Variants in SYNE2 observed in about 807,000 individuals in gnomAD.
SYNE2 encodes spectrin repeat containing nuclear envelope protein 2.
SYNE2 carries 431 observed loss-of-function variants against 856.3 expected under a neutral mutation model. That is an observed-to-expected ratio of 0.50 (90% CI 0.47 to 0.55). The LOEUF (loss-of-function observed/expected upper bound fraction) is 0.55. SYNE2 is among the 20% of genes least tolerant of loss of function. SYNE2 has a pLI of 0.00. For missense variants in SYNE2, 8,129 were observed against 8,023.2 expected (o/e 1.01, Z -0.50); for synonymous variants, 2,923 against 2,872.3 (o/e 1.02, Z -0.56).
chr14:63,986,306 C>T, intron 18 of SYNE2, 150 bp from the exon 19 acceptor site: 1 of 791,462 alleles, frequency 1.3e-6, no homozygotes, highest in Non-Finnish European at 2.1e-6. Flanking sequence ...CGCTTTGTTG[C>T]CCAGACTGGT....
chr14:64,049,920 C>A, intron 47 of SYNE2, 44 bp downstream of exon 47: 1 of 1,608,244 alleles, frequency 6.2e-7, no homozygotes. Context: ...TATTCAAGCA[C>A]AACCATCTGC....
chr14:64,134,851 G>A (rs1298292865), intron 78 of SYNE2, among the ~76,000 whole-genome samples: 2 of 152,016 alleles, frequency 1.3e-5, no homozygotes, highest in Non-Finnish European at 2.9e-5. Flanking sequence ...GCTGGGCATG[G>A]CGGCATGTGC....
chr14:64,202,712 G>T, intron 99 of SYNE2, 89 bp from the exon 100 acceptor site: 1 of 1,552,844 alleles, frequency 6.4e-7, no homozygotes. Flanking sequence ...GCTCTTACTG[G>T]CACATTCTTC....
chr14:63,763,094 A>T (rs189859241), intron 1 of SYNE2, among the ~76,000 whole-genome samples: 1 of 151,946 alleles, frequency 6.6e-6, no homozygotes, highest in South Asian at 2.1e-4. Flanking sequence ...CAGCCTCTCC[A>T]GTAGCTGGGA....
intron 36 of SYNE2, 137 bp downstream of exon 36, chr14:64,021,652 T>C (rs1445505122): frequency 1.5e-5 from 18 of 1,209,040 alleles, no homozygotes; most frequent in Non-Finnish European, 2.1e-5. Flanking sequence ...TTTGTATATT[T>C]AGCATTTTCA....
Position 64,126,345 on chromosome 14 carries a change from G to A in SYNE2, c.13573G>A (p.Ala4525Thr), listed in dbSNP as rs781494518. ...GATTCAGGAAAATATGACAGAAGAA[G>A]CATATATCAATTTGGATAAAAAATT... ...LQTQENMTEEAYINLDKKLFE... is the reference protein window; with the variant it reads ...LQTQENMTEETYINLDKKLFE... The change falls in exon 72 of 116, where the codon GCA becomes ACA. Residue 4525 changes from alanine to threonine, a missense_variant. Ala to Thr is a moderately conservative substitution (Grantham distance 58). Around this residue, in one of 3 missense-constraint regions of SYNE2, gnomAD observed 5,410 missense variants for 5,284.8 expected, o/e 1.02. Transcript: ENST00000555002. The A allele has an allele frequency of 1.9e-6, 3 of 1,613,818 alleles. No homozygotes were observed. Among genetic ancestry groups the A allele is most frequent in the Admixed American group, 1.7e-5 (1 of 60,006 alleles).
chr14:64,116,193 A>AAGGG (rs535818668), intron 66 of SYNE2, among the ~76,000 whole-genome samples: 7 of 140,218 alleles, frequency 5.0e-5, no homozygotes, highest in African/African-American at 7.6e-5. Flanking sequence ...GAAAGGAAAG[A>AAGGG]AGGGAGGGAG....
rs766703027 is a variant in SYNE2 at position 64,126,786 on chromosome 14, C to G, written c.13896C>G (p.Leu4632=). ...GAAGCAAGTCCCTGAAAGCTGGCCT[C>G]GATTACAACCGCAGTTACCAGGTAT... The part of the protein sequence containing the change: ...VCRSKSLKAG[L]DYNRSYQNEI... Residue 4632 remains leucine, a synonymous_variant, in exon 73 of 116, where the codon CTC becomes CTG. Transcript: ENST00000555002. 2 of 1,612,484 alleles carry G rather than the reference C, an allele frequency of 1.2e-6. No homozygotes were observed. Among genetic ancestry groups the G allele is most frequent in the Non-Finnish European group, 8.5e-7 (1 of 1,180,016 alleles).
chr14:64,048,297 T>G (rs2097200219), intron 46 of SYNE2, 142 bp downstream of exon 46: 4 of 704,624 alleles, frequency 5.7e-6, no homozygotes, highest in Non-Finnish European at 9.4e-6. Flanking sequence ...GGTAACTGTA[T>G]AATTATGTAC....
At position 64,041,172 on chromosome 14, in the gene SYNE2, C is replaced by G. The variant is rs947599550; in HGVS notation, c.7222-6828C>G. On this transcript the variant is annotated intron_variant, in intron 45 of 115. Coordinates refer to ENST00000555002, the MANE Select transcript of SYNE2 (RefSeq NM_182914.3). ...CTGAAAGTTTATCTATCTCAAACTT[C>G]AAACAAAAATATATTAAAGAAAAGC... Among the ~76,000 whole-genome samples the G allele has an allele frequency of 1.1e-4, 16 of 152,114 alleles. 1 individual carries two copies. In the Middle Eastern group the frequency reaches 0.01, roughly 97 times the overall value.
At chr14:64,225,164 G>A in intron 115 of SYNE2, 119 bp downstream of exon 115, 1 of 1,543,510 alleles carries the variant, frequency 6.5e-7, no homozygotes, top group Non-Finnish European at 8.9e-7. Flanking sequence ...TGTCTGGAAA[G>A]GGCTGGTTTT....
chr14:63,897,866 C>A (rs535187480), intron 1 of SYNE2, among the ~76,000 whole-genome samples: 1 of 152,294 alleles, frequency 6.6e-6, no homozygotes, highest in East Asian at 1.9e-4. Flanking sequence ...ATGAGAGCTC[C>A]GTTCATTCTT....
chr14:64,140,485 G>T (rs2098130507), intron 80 of SYNE2, among the ~76,000 whole-genome samples: 1 of 152,210 alleles, frequency 6.6e-6, no homozygotes, highest in African/African-American at 2.4e-5. Flanking sequence ...GGGAGGCTGA[G>T]GCAGGAGAAT....
At chr14:64,184,605 G>A (rs530480779) in intron 96 of SYNE2, among the ~76,000 whole-genome samples, 10 of 152,294 alleles carry the variant, frequency 6.6e-5, no homozygotes, top group African/African-American at 2.4e-4. Context: ...AAGCTCAGAG[G>A]TTTCCAGATC....
chr14:63,968,806 C>A (rs1332697246), intron 11 of SYNE2, among the ~76,000 whole-genome samples: 1 of 152,150 alleles, frequency 6.6e-6, no homozygotes, highest in Non-Finnish European at 1.5e-5. Context: ...ATGGGATATC[C>A]ATTTCCTCCA....
intron 1 of SYNE2, among the ~76,000 whole-genome samples, chr14:63,832,385 C>T (rs544269984): frequency 2.0e-5 from 3 of 151,972 alleles, no homozygotes; most frequent in Non-Finnish European, 4.4e-5. Context: ...AAGTGATCCT[C>T]CCACCTCGGC....
chr14:64,084,605 T>C (rs1309662544), intron 57 of SYNE2: 1 of 223,346 alleles, frequency 4.5e-6, no homozygotes, highest in Non-Finnish European at 8.9e-6. Context: ...TGCCAAGTAG[T>C]GTTCCAGTTT....
At chr14:64,101,553 C>G (rs1247100878) in intron 63 of SYNE2, among the ~76,000 whole-genome samples, 2 of 152,122 alleles carry the variant, frequency 1.3e-5, no homozygotes, top group Non-Finnish European at 2.9e-5. Context: ...AGTGATCCTC[C>G]CACTTCAGCC....
intron 6 of SYNE2, among the ~76,000 whole-genome samples, chr14:63,942,344 A>G (rs572377938): frequency 1.3e-5 from 2 of 152,150 alleles, no homozygotes; most frequent in East Asian, 1.9e-4. Context: ...TTTGAGATGG[A>G]GTCTCGCTCT....
Sources: gnomAD v4.1 joint callset for allele counts (sites outside exome capture counted in the v4.1 genomes callset) on GRCh38, gnomAD v4.1.1 for gene constraint, gnomAD v4.1.1 regional missense constraint, MANE v1.5 for transcripts, NCBI Gene and HGNC (gene_info 2026-07-23, HGNC 2026-07-21) for gene names.